The following NELL1 variants were observed in gnomAD, a reference collection of about 807,000 sequenced individuals.
NELL1 encodes neural EGFL like 1, also known as protein kinase C-binding protein NELL1.
NELL1 carries 76 observed loss-of-function variants against 107.4 expected under a neutral mutation model. That is an observed-to-expected ratio of 0.71 (90% CI 0.59 to 0.86). The LOEUF (loss-of-function observed/expected upper bound fraction) is 0.86. Ranked by LOEUF, NELL1 falls within the 40% of genes least tolerant of loss-of-function variation. The pLI, the probability that NELL1 is intolerant of heterozygous loss-of-function variation, is 0.00. For missense variants in NELL1, 1,024 were observed against 1,005.5 expected, an observed-to-expected ratio of 1.02 and a Z score of -0.25; for synonymous variants, 353 against 341.2, an observed-to-expected ratio of 1.03 and a Z score of -0.38.
At chr11:21,464,447 TGAG>T (rs2133876658) in intron 15 of NELL1, among the ~76,000 whole-genome samples, 2 of 151,842 alleles carry the variant, frequency 1.3e-5, no homozygotes, top group South Asian at 4.2e-4. Context: ...TAGAGCCAGT[TGAG>T]GAGGCTCAGG....
intron 3 of NELL1, among the ~76,000 whole-genome samples, chr11:20,834,246 G>C (rs890022920): frequency 1.6e-4 from 25 of 152,292 alleles, no homozygotes; most frequent in African/African-American, 6.0e-4. Flanking sequence ...AGAACTTGCT[G>C]ATGGTGTGCA....
intron 3 of NELL1, among the ~76,000 whole-genome samples, chr11:20,806,252 TTGTGTGTGTGTGTGTGTG>T (rs3045512): frequency 2.0e-5 from 3 of 148,586 alleles, no homozygotes; most frequent in African/African-American, 7.4e-5. Context: ...TGTGAAGCAT[TTGTGTGTGTGTGTGTGTG>T]TGTGTGTGTG....
intron 2 of NELL1, among the ~76,000 whole-genome samples, chr11:20,701,633 T>C (rs1564868649): frequency 6.6e-6 from 1 of 151,588 alleles, no homozygotes; most frequent in Non-Finnish European, 1.5e-5. Flanking sequence ...AGGGTTTTTA[T>C]GGTTTTAGGT....
chr11:21,030,094 A>G (rs1299345687), intron 12 of NELL1, among the ~76,000 whole-genome samples: 1 of 152,184 alleles, frequency 6.6e-6, no homozygotes, highest in Non-Finnish European at 1.5e-5. Context: ...GACAGCCTGT[A>G]GTATTGGATG....
At chr11:21,090,706 A>C (rs1225571397) in intron 12 of NELL1, among the ~76,000 whole-genome samples, 1 of 152,240 alleles carries the variant, frequency 6.6e-6, no homozygotes, top group African/African-American at 2.4e-5. Flanking sequence ...AAATACCTTC[A>C]TGAGTAAGGC....
chr11:21,124,283 A>T (rs1292783788), intron 13 of NELL1, among the ~76,000 whole-genome samples: 2 of 152,168 alleles, frequency 1.3e-5, no homozygotes, highest in African/African-American at 4.8e-5. Flanking sequence ...TTACCTCAGT[A>T]AATTAAAAAA....
rs916916358 is a variant in NELL1 at position 21,030,920 on chromosome 11, A to G, written c.1300+70360A>G. ...AAGGTTTTATTTCTGGTTTAGGAACAGGGTTCTGCTGTGTTGCCCAGGCTG... is the reference window on the plus strand; with the variant it reads ...AAGGTTTTATTTCTGGTTTAGGAACGGGGTTCTGCTGTGTTGCCCAGGCTG... On this transcript the variant is annotated intron_variant, in intron 12 of 19. Coordinates refer to ENST00000357134, the MANE Select transcript of NELL1 (RefSeq NM_006157.5). 2.0e-5 allele frequency among the ~76,000 whole-genome samples: 3 copies of G among 152,256 alleles called. No homozygotes were observed. The East Asian group carries it at 5.8e-4, about 29-fold the overall frequency.
At chr11:21,475,542 C>T (rs1854308601) in intron 15 of NELL1, among the ~76,000 whole-genome samples, 1 of 152,162 alleles carries the variant, frequency 6.6e-6, no homozygotes, top group African/African-American at 2.4e-5. Flanking sequence ...CAAAAAGGAG[C>T]TTTGAGTTTG....
At chr11:20,914,285 C>T (rs1850197491) in intron 5 of NELL1, among the ~76,000 whole-genome samples, 1 of 152,064 alleles carries the variant, frequency 6.6e-6, no homozygotes, top group South Asian at 2.1e-4. Context: ...CTTTATACAT[C>T]TTAGGGAGAC....
chr11:21,306,181 C>T (rs1849600906), intron 14 of NELL1, among the ~76,000 whole-genome samples: 1 of 151,900 alleles, frequency 6.6e-6, no homozygotes. Flanking sequence ...ACTCAGAATT[C>T]TACGTACACA....
chr11:20,944,188 C>T (rs1850915809), intron 10 of NELL1, among the ~76,000 whole-genome samples: 1 of 152,166 alleles, frequency 6.6e-6, no homozygotes, highest in African/African-American at 2.4e-5. Context: ...GATATTCTGT[C>T]ATTCAGTTGA....
intron 13 of NELL1, among the ~76,000 whole-genome samples, chr11:21,151,197 G>A (rs1856107884): frequency 6.6e-6 from 1 of 152,150 alleles, no homozygotes. Flanking sequence ...TGGCCTAGCT[G>A]TGTAGCTAGG....
chr11:21,336,096 G>T (rs1219395628), intron 14 of NELL1, among the ~76,000 whole-genome samples: 1 of 151,988 alleles, frequency 6.6e-6, no homozygotes, highest in African/African-American at 2.4e-5. Context: ...TATAAAAACT[G>T]TTATTGAGAT....
chr11:21,136,754 T>A (rs1034526144), intron 13 of NELL1, among the ~76,000 whole-genome samples: 1 of 152,216 alleles, frequency 6.6e-6, no homozygotes, highest in African/African-American at 2.4e-5. Context: ...ATCTTCATCA[T>A]CATCATCATC....
chr11:20,704,527 G>A (rs1243072292), intron 2 of NELL1, among the ~76,000 whole-genome samples: 2 of 152,162 alleles, frequency 1.3e-5, no homozygotes, highest in African/African-American at 2.4e-5. Context: ...ATTAGTATGT[G>A]TGAATTTGAT....
intron 13 of NELL1, among the ~76,000 whole-genome samples, chr11:21,129,173 T>C (rs1032369354): frequency 1.3e-5 from 2 of 152,150 alleles, no homozygotes; most frequent in Non-Finnish European, 2.9e-5. Context: ...TGTATGTGTG[T>C]GTGTGTTGTT....
At chr11:21,273,239 C>T (rs542756867) in intron 14 of NELL1, among the ~76,000 whole-genome samples, 18 of 151,942 alleles carry the variant, frequency 1.2e-4, no homozygotes, top group African/African-American at 2.9e-4. Context: ...CCAAGGCATG[C>T]GAACTACGTG....
chr11:20,748,882 ATC>A (rs1856064955), intron 2 of NELL1, among the ~76,000 whole-genome samples: 1 of 147,476 alleles, frequency 6.8e-6, no homozygotes, highest in Non-Finnish European at 1.5e-5. Flanking sequence ...TCATCCATCC[ATC>A]CATCCATCCA....
At chr11:21,271,485 A>G (rs770112784) in intron 14 of NELL1, among the ~76,000 whole-genome samples, 8 of 152,214 alleles carry the variant, frequency 5.3e-5, no homozygotes, top group Non-Finnish European at 8.8e-5. Flanking sequence ...CCAATAATTA[A>G]TAACAGTTTC....
Sources: gnomAD v4.1 joint callset for allele counts (sites outside exome capture counted in the v4.1 genomes callset) on GRCh38, gnomAD v4.1.1 for gene constraint, MANE v1.5 for transcripts, NCBI Gene and HGNC (gene_info 2026-07-23, HGNC 2026-07-21) for gene names.